NXPE2: variants seen among roughly 807,000 people sequenced by gnomAD.
NXPE2 encodes the protein neurexophilin and PC-esterase domain family member 2, also known as NXPE family member 2.
In NXPE2, 34 loss-of-function variants were observed where a neutral mutation model predicts 34.4. The observed-to-expected ratio is 0.99, with a 90% CI of 0.75 to 1.31. NXPE2 has a LOEUF of 1.31. Ranked by LOEUF, NXPE2 falls within the 40% of genes most tolerant of loss-of-function variation. The pLI is 0.00. For synonymous variants in NXPE2, 235 were observed against 231.3 expected (o/e 1.02, Z -0.15); for missense variants, 649 against 672.5 (o/e 0.97, Z 0.39).
chr11:114,764,202 T>C, the NXPE2 span, among the ~76,000 whole-genome samples: 316 of 152,290 alleles, frequency 2.1e-3, no homozygotes, highest in African/African-American at 7.4e-3. Flanking sequence ...GCTGAGATCA[T>C]AAATGGGGGT....
chr11:114,752,813 T>C, the NXPE2 span, among the ~76,000 whole-genome samples: 330 of 152,268 alleles, frequency 2.2e-3, no homozygotes, highest in African/African-American at 7.8e-3. Context: ...TAGTAACCAA[T>C]TGGATATACT....
At chr11:114,654,406 A>C in the NXPE2 span, among the ~76,000 whole-genome samples, 1 of 151,858 alleles carries the variant, frequency 6.6e-6, no homozygotes, top group African/African-American at 2.4e-5. Context: ...GGTTTGTTAC[A>C]TAGGTATATG....
chr11:114,586,191 C>T, the NXPE2 span, among the ~76,000 whole-genome samples: 1 of 152,174 alleles, frequency 6.6e-6, no homozygotes, highest in African/African-American at 2.4e-5. Flanking sequence ...ACTTAAATCC[C>T]CTGTCTCTAC....
At chr11:114,551,083 C>T in the NXPE2 span, 1 of 1,336,388 alleles carries the variant, frequency 7.5e-7, no homozygotes, top group Admixed American at 2.0e-5. Context: ...TGATCTGCAT[C>T]AAAGGTGATT....
chr11:114,556,200 T>C, the NXPE2 span, among the ~76,000 whole-genome samples: 2 of 152,216 alleles, frequency 1.3e-5, no homozygotes, highest in African/African-American at 4.8e-5. Context: ...TTTGAATTTA[T>C]GGAGAGTTGG....
the NXPE2 span, among the ~76,000 whole-genome samples, chr11:114,653,597 G>A: frequency 0.019 from 2,737 of 147,314 alleles, 86 homozygotes; most frequent in African/African-American, 0.066. Context: ...GCACGATCTC[G>A]GCTCACTGCA....
the NXPE2 span, among the ~76,000 whole-genome samples, chr11:114,779,308 C>T: frequency 8.0e-6 from 1 of 124,860 alleles, no homozygotes; most frequent in African/African-American, 3.2e-5. Flanking sequence ...TCAAGTCAGC[C>T]TGGAGTGGGG....
chr11:114,538,521 A>G, the NXPE2 span, among the ~76,000 whole-genome samples: 2 of 152,238 alleles, frequency 1.3e-5, no homozygotes, highest in Non-Finnish European at 2.9e-5. Flanking sequence ...AATTTTTGCA[A>G]CCTACTCATC....
the NXPE2 span, among the ~76,000 whole-genome samples, chr11:114,667,696 T>C: frequency 2.0e-5 from 3 of 152,078 alleles, no homozygotes; most frequent in African/African-American, 7.2e-5. Context: ...GAGACCTTGC[T>C]AACAGACAGC....
chr11:114,785,267 A>C, the NXPE2 span, among the ~76,000 whole-genome samples: 2 of 151,868 alleles, frequency 1.3e-5, no homozygotes, highest in Admixed American at 1.3e-4. Context: ...TTCCAGTCCA[A>C]CCCCCTCATT....
the NXPE2 span, among the ~76,000 whole-genome samples, chr11:114,606,683 CACCACTGTT>C: frequency 6.7e-6 from 1 of 148,666 alleles, no homozygotes; most frequent in Non-Finnish European, 1.5e-5. Flanking sequence ...CATCATGGGT[CACCACTGTT>C]ACCCGGAGGG....
the NXPE2 span, among the ~76,000 whole-genome samples, chr11:114,539,228 A>T: frequency 6.6e-6 from 1 of 150,550 alleles, no homozygotes; most frequent in Admixed American, 6.6e-5. Flanking sequence ...GTGGGAATTG[A>T]ACAATGAGAA....
chr11:114,704,533 C>G (rs1385135967), intron 4 of NXPE2, among the ~76,000 whole-genome samples: 1 of 152,186 alleles, frequency 6.6e-6, no homozygotes, highest in African/African-American at 2.4e-5. Context: ...TAGTGGTCAA[C>G]ACAAAACCAT....
chr11:114,714,160 G>C, the NXPE2 span, among the ~76,000 whole-genome samples: 2 of 152,170 alleles, frequency 1.3e-5, no homozygotes, highest in East Asian at 3.8e-4. Flanking sequence ...ATTAGCTTGT[G>C]GTTGGCTTTA....
At chr11:114,723,305 AG>A in the NXPE2 span, among the ~76,000 whole-genome samples, 1 of 152,266 alleles carries the variant, frequency 6.6e-6, no homozygotes, top group East Asian at 1.9e-4. Context: ...GAAAGAGTGA[AG>A]GAAATTAGAA....
chr11:114,742,905 G>A, the NXPE2 span, among the ~76,000 whole-genome samples: 11 of 152,120 alleles, frequency 7.2e-5, no homozygotes, highest in Admixed American at 2.6e-4. Context: ...GTTGAGTCAA[G>A]TAAGTCAGCT....
At chr11:114,598,440 T>C in the NXPE2 span, among the ~76,000 whole-genome samples, 1 of 152,222 alleles carries the variant, frequency 6.6e-6, no homozygotes, top group Non-Finnish European at 1.5e-5. Context: ...CAGCCCCACA[T>C]TGTCCCTCCA....
chr11:114,632,987 T>C, the NXPE2 span, among the ~76,000 whole-genome samples: 1 of 104,274 alleles, frequency 9.6e-6, no homozygotes, highest in Non-Finnish European at 1.7e-5. Flanking sequence ...TATATATTTT[T>C]ATATAATATA....
At chr11:114,481,694 C>T in the NXPE2 span, among the ~76,000 whole-genome samples, 1 of 152,026 alleles carries the variant, frequency 6.6e-6, no homozygotes, top group Non-Finnish European at 1.5e-5. Context: ...GTAGAAATCT[C>T]CCATGTAGTA....
Sources: allele counts gnomAD v4.1 joint callset (sites outside exome capture counted in the v4.1 genomes callset), GRCh38; gene constraint gnomAD v4.1.1; transcripts MANE v1.5; gene names NCBI Gene and HGNC (gene_info 2026-07-23, HGNC 2026-07-21).